CLIC5: variants seen among roughly 807,000 people sequenced by gnomAD.
The protein encoded by CLIC5 is CLIC family member 5, also known as chloride intracellular channel protein 5.
In CLIC5, 20 loss-of-function variants were observed where a neutral mutation model predicts 24.7. The observed-to-expected ratio is 0.81, with a 90% CI of 0.57 to 1.18. The LOEUF (loss-of-function observed/expected upper bound fraction) is 1.18, where lower values mean the gene tolerates loss of function less well. Ranked by LOEUF, CLIC5 falls within the 50% of genes most tolerant of loss-of-function variation. CLIC5 has a pLI of 0.00. For synonymous variants in CLIC5, 159 were observed against 135.6 expected (o/e 1.17, Z -1.20); for missense variants, 341 against 326.1 (o/e 1.05, Z -0.35).
Position 45,946,082 on chromosome 6 carries a change from A to G in CLIC5, c.299+3174T>C, listed in dbSNP as rs377553424. Reference sequence around the variant, plus strand: ...GGAGACTATGTAGTTTCACCCCCTCATTTTAGAGATGAGAAGGCAAGGAGG... The same window carrying G: ...GGAGACTATGTAGTTTCACCCCCTCGTTTTAGAGATGAGAAGGCAAGGAGG... On this transcript the variant is annotated intron_variant, in intron 3 of 5. Transcript: ENST00000339561. Among the ~76,000 whole-genome samples, 4 of 152,300 alleles carry G rather than the reference A, an allele frequency of 2.6e-5. No individual in the cohort carries two copies. In the East Asian group the frequency reaches 7.7e-4, roughly 29 times the overall value.
At chr6:46,088,128 C>G in the CLIC5 span, among the ~76,000 whole-genome samples, 1 of 151,008 alleles carries the variant, frequency 6.6e-6, no homozygotes, top group East Asian at 1.9e-4. Flanking sequence ...AAAACCAAAG[C>G]AAACTCTATC....
chr6:45,950,309 C>G (rs934748544), intron 2 of CLIC5, among the ~76,000 whole-genome samples: 2 of 152,046 alleles, frequency 1.3e-5, no homozygotes, highest in African/African-American at 4.8e-5. Flanking sequence ...GCCTGTAATC[C>G]CACCACTTTG....
At chr6:45,951,266 G>A (rs1256081544) in intron 2 of CLIC5, among the ~76,000 whole-genome samples, 1 of 152,172 alleles carries the variant, frequency 6.6e-6, no homozygotes, top group African/African-American at 2.4e-5. Flanking sequence ...AGACCCAAGA[G>A]TCCTAAATTA....
chr6:45,945,167 C>A (rs368755619), intron 3 of CLIC5, among the ~76,000 whole-genome samples: 22 of 152,298 alleles, frequency 1.4e-4, no homozygotes, highest in African/African-American at 3.8e-4. Flanking sequence ...CTTTCTAACT[C>A]CTTGAGCTTC....
At position 45,970,594 on chromosome 6, in the gene CLIC5, C is replaced by T. The variant is rs73738315; in HGVS notation, c.64-15350G>A. On this transcript the variant is annotated intron_variant, in intron 1 of 5. Coordinates refer to ENST00000339561, the MANE Select transcript of CLIC5 (RefSeq NM_016929.5). The stretch of plus-strand genomic sequence containing the variant: ...ACACACAATAGTCCAGGCCCTCACC[C>T]AGGAAGCCACAACCTGAGATGAAGG... Among the ~76,000 whole-genome samples, 958 of 152,300 alleles carry T rather than the reference C, an allele frequency of 6.3e-3. 11 individuals are homozygous for T. The highest frequency in any genetic ancestry group is 0.021 in the African/African-American group (885 of 41,552).
At chr6:46,102,320 T>C in the CLIC5 span, among the ~76,000 whole-genome samples, 2 of 152,208 alleles carry the variant, frequency 1.3e-5, no homozygotes, top group African/African-American at 4.8e-5. Flanking sequence ...CCTGCCTGTC[T>C]AGACTCATCT....
At chr6:46,086,741 T>A in the CLIC5 span, among the ~76,000 whole-genome samples, 2 of 152,218 alleles carry the variant, frequency 1.3e-5, no homozygotes, top group African/African-American at 4.8e-5. Flanking sequence ...CTGGTATTGC[T>A]TATTGGAGCA....
Position 45,914,320 on chromosome 6 carries a change from C to T in CLIC5, c.496G>A (p.Gly166Arg). 5.0e-6 allele frequency: 8 copies of T among 1,607,076 alleles called. No individual in the cohort carries two copies. The highest frequency in any genetic ancestry group is 2.2e-5 in the South Asian group (2 of 89,966). Reference sequence around the variant, plus strand: ...TTGCGCCGGGACCCCTTGTCTTCCCCACAAGTGTTGGCGTCAATCTCCTCT... The same window carrying T: ...TTGCGCCGGGACCCCTTGTCTTCCCTACAAGTGTTGGCGTCAATCTCCTCT... ...LPEEIDANTC[G>R]EDKGSRRKFL... is the part of the protein sequence containing the mutation. Residue 166 changes from glycine (G) to arginine (R), a missense_variant, in exon 5 of 6, where the codon GGG becomes AGG. Gly to Arg is a moderately radical substitution (Grantham distance 125). Transcript: ENST00000339561.
chr6:46,040,606 A>G (rs1211153318), intron 1 of CLIC5, among the ~76,000 whole-genome samples: 2 of 151,780 alleles, frequency 1.3e-5, no homozygotes, highest in Non-Finnish European at 2.9e-5. Flanking sequence ...GAAGTTGATG[A>G]TGGTGGTGGT....
intron 1 of CLIC5, among the ~76,000 whole-genome samples, chr6:45,970,376 A>G (rs572699161): frequency 1.1e-4 from 17 of 152,316 alleles, no homozygotes; most frequent in East Asian, 1.9e-4. Context: ...AAAAAAATCA[A>G]TTTGAACTTG....
intron 1 of CLIC5, among the ~76,000 whole-genome samples, chr6:46,061,882 A>G (rs1259635520): frequency 6.6e-6 from 1 of 152,168 alleles, no homozygotes; most frequent in Non-Finnish European, 1.5e-5. Context: ...TTATATTCAG[A>G]CAAGAATAAA....
At position 45,944,165 on chromosome 6, in the gene CLIC5, T is replaced by C. The variant is rs534772325; in HGVS notation, c.300-2512A>G. ...AGCAAACTGTGACCCATGACCCCTATTTGTCTGAGGTTCTCAAGCTAACAA... is the reference window on the plus strand; with the variant it reads ...AGCAAACTGTGACCCATGACCCCTACTTGTCTGAGGTTCTCAAGCTAACAA... On this transcript the variant is annotated intron_variant, in intron 3 of 5. Transcript: ENST00000339561. Among the ~76,000 whole-genome samples, 5 of 152,144 alleles carry C rather than the reference T, an allele frequency of 3.3e-5. No homozygotes were observed. In the South Asian group the frequency reaches 8.3e-4, roughly 25 times the overall value.
intron 1 of CLIC5, chr6:46,079,591 G>C (rs1369678818): frequency 1.1e-6 from 1 of 883,682 alleles, no homozygotes; most frequent in Non-Finnish European, 1.7e-6. Context: ...AATATGTATT[G>C]AGATCCAAGG....
intron 5 of CLIC5, among the ~76,000 whole-genome samples, chr6:45,905,729 T>G (rs924824046): frequency 1.3e-5 from 2 of 152,196 alleles, no homozygotes; most frequent in African/African-American, 4.8e-5. Context: ...TTTAGTATAA[T>G]TAAGTCCCAC....
intron 4 of CLIC5, among the ~76,000 whole-genome samples, chr6:45,921,668 C>T (rs949107928): frequency 7.2e-5 from 11 of 151,796 alleles, no homozygotes; most frequent in African/African-American, 2.7e-4. Flanking sequence ...TTTATCTGAA[C>T]ATCCTAGCAT....
At chr6:46,084,343 G>A (rs369769712), upstream of CLIC5, among the ~76,000 whole-genome samples, 49 of 152,216 alleles carry the variant, frequency 3.2e-4, no homozygotes, top group South Asian at 9.1e-3. Context: ...TATTTTGCTC[G>A]TTAGTTGATG....
At chr6:46,009,963 C>T (rs1368395276) in intron 1 of CLIC5, among the ~76,000 whole-genome samples, 3 of 152,114 alleles carry the variant, frequency 2.0e-5, no homozygotes. Flanking sequence ...TGGGCTCCAG[C>T]TTATGGAGCA....
At chr6:46,044,230 G>T (rs73462595) in intron 1 of CLIC5, among the ~76,000 whole-genome samples, 1,957 of 152,226 alleles carry the variant, frequency 0.013, 45 homozygotes, top group African/African-American at 0.045. Context: ...TGCTCCAGTT[G>T]AGGCTTTTTG....
the CLIC5 span, among the ~76,000 whole-genome samples, chr6:46,088,335 T>C: frequency 5.0e-4 from 76 of 152,288 alleles, no homozygotes; most frequent in East Asian, 0.014. Context: ...TGGGGACACA[T>C]GCCCCAAATT....
Sources: allele counts gnomAD v4.1 joint callset (sites outside exome capture counted in the v4.1 genomes callset), GRCh38; gene constraint gnomAD v4.1.1; transcripts MANE v1.5; gene names NCBI Gene and HGNC (gene_info 2026-07-23, HGNC 2026-07-21).